Variants in ARID3A observed in about 807,000 individuals in gnomAD.
ARID3A encodes the protein AT-rich interactive domain-containing protein 3A.
A neutral mutation model predicts 52.7 loss-of-function variants in ARID3A; 11 were observed. The ratio of observed to expected loss-of-function variants is 0.21; its 90% CI spans 0.13 to 0.35. ARID3A has a LOEUF of 0.35. ARID3A is among the 10% of genes least tolerant of loss of function. The pLI is 1.00. For missense variants in ARID3A, 721 were observed against 838.5 expected (o/e 0.86, Z 1.73); for synonymous variants, 404 against 359.4 (o/e 1.12, Z -1.40).
intron 1 of ARID3A, among the ~76,000 whole-genome samples, chr19:927,459 C>T (rs1039562521): frequency 6.6e-6 from 1 of 151,986 alleles, no homozygotes; most frequent in African/African-American, 2.4e-5. Context: ...TCCTGCTCCC[C>T]TCCCCCACCC....
chr19:946,217 A>AT (rs944078619), intron 3 of ARID3A, among the ~76,000 whole-genome samples: 6 of 151,262 alleles, frequency 4.0e-5, no homozygotes, highest in African/African-American at 1.2e-4. Flanking sequence ...TTTCATTTTT[A>AT]TTTTTTTGTT....
At position 933,741 on chromosome 19, in the gene ARID3A, C is replaced by G. The variant is rs186859855; in HGVS notation, c.693+999C>G. 2.5e-3 allele frequency among the ~76,000 whole-genome samples: 374 copies of G among 152,130 alleles called. 2 individuals are homozygous for G. Among genetic ancestry groups the G allele is most frequent in the African/African-American group, 8.6e-3 (356 of 41,508 alleles). On this transcript the variant is annotated intron_variant, in intron 3 of 8. Coordinates refer to ENST00000263620, the MANE Select transcript of ARID3A (RefSeq NM_005224.3). ...TAAGGGGCGGCCCTAACCCCAGCAG[C>G]CCTCAAGAGACTTAAGGTTGGGCTG...
At chr19:954,354 C>A (rs1334565544) in intron 3 of ARID3A, among the ~76,000 whole-genome samples, 2 of 152,194 alleles carry the variant, frequency 1.3e-5, no homozygotes, top group Non-Finnish European at 2.9e-5. Flanking sequence ...TCCACACCTT[C>A]CATCCCCCAC....
At chr19:948,749 G>A (rs1465547446) in intron 3 of ARID3A, among the ~76,000 whole-genome samples, 3 of 122,970 alleles carry the variant, frequency 2.4e-5, no homozygotes, top group Non-Finnish European at 4.8e-5. Flanking sequence ...TCACTCTGTC[G>A]CCCAGGCTGG....
Position 964,905 on chromosome 19 carries a change from C to G in ARID3A, c.1023C>G (p.Ala341=). ...GTAACCCCAATGAGCTCCAGGCAGCCATAGACAGCAACCGACGGGAGGGCC... is the reference window on the plus strand; with the variant it reads ...GTAACCCCAATGAGCTCCAGGCAGCGATAGACAGCAACCGACGGGAGGGCC... ...GLSNPNELQA[A]IDSNRREGRR... The change falls in exon 6 of 9, where the codon GCC becomes GCG. Residue 341 remains alanine, a synonymous_variant. Transcript: ENST00000263620. This position sits in a 1 kb window ranked among gnomAD's most constrained non-coding sequence, Gnocchi z 5.7. 2 of 1,613,982 alleles carry G rather than the reference C, an allele frequency of 1.2e-6. No individual in the cohort carries two copies. Among genetic ancestry groups the G allele is most frequent in the Non-Finnish European group, 1.7e-6 (2 of 1,180,020 alleles).
rs576049092 is a variant in ARID3A at position 971,964 on chromosome 19, G to A, written c.1681G>A (p.Ala561Thr). 23 of 1,600,130 alleles carry A rather than the reference G, an allele frequency of 1.4e-5. No homozygotes were observed. Among genetic ancestry groups the A allele is most frequent in the African/African-American group, 6.9e-5 (5 of 72,960 alleles). Residue 561 changes from alanine (A) to threonine (T), a missense_variant, in exon 9 of 9, where the codon GCA (alanine) becomes ACA (threonine). Around this residue, in one of 5 missense-constraint regions of ARID3A, gnomAD observed 297 missense variants for 343.2 expected, o/e 0.87. Coordinates refer to ENST00000263620, the MANE Select transcript of ARID3A (RefSeq NM_005224.3). ...CGGCGGCGGCGGCAGCAGCAGCAACGCAGGCGGCCGGGGAGGAAACACCGG... is the reference window on the plus strand; with the variant it reads ...CGGCGGCGGCGGCAGCAGCAGCAACACAGGCGGCCGGGGAGGAAACACCGG... ...GGGGGGSSSN[A>T]GGRGGNTGTS...
Position 951,542 on chromosome 19 carries a change from C to A in ARID3A, c.694-8550C>A, listed in dbSNP as rs939661040. ...CTCCAGCCTGGGCGACAGAGTAAGA[C>A]CCTGTCTCAAAAAAAGGAAAAAAAA... On this transcript the variant is annotated intron_variant, in intron 3 of 8. Transcript: ENST00000263620. Among the ~76,000 whole-genome samples the A allele has an allele frequency of 4.6e-5, 7 of 152,086 alleles. No homozygotes were observed. In the South Asian group the frequency reaches 1.5e-3, roughly 32 times the overall value.
chr19:973,486 A>G lies in ARID3A; in HGVS notation c.*1421A>G. 9.3e-6 allele frequency: 2 copies of G among 216,050 alleles called. No individual in the cohort carries two copies. The highest frequency in any genetic ancestry group is 1.9e-5 in the Non-Finnish European group (2 of 107,204). The allele number at this position is 216,050 out of a possible 1,614,324, so 13.4% of individuals were successfully genotyped here. A position where few individuals can be genotyped will look rare whatever the true frequency, so the allele number is the denominator to read the frequency against. ...TGGGGGGCGGGGGTGGTTCTTGTCG[A>G]AGCCCCCAGGCTCCTGTCTCAGGGA... is the stretch of plus-strand genomic sequence containing the variant. On this transcript the variant is annotated 3_prime_UTR_variant, in exon 9 of 9. Transcript: ENST00000263620.
Position 959,546 on chromosome 19 carries a change from C to G in ARID3A, c.694-546C>G, listed in dbSNP as rs895503285. 6.6e-6 allele frequency among the ~76,000 whole-genome samples: 1 copy of G among 152,150 alleles called. No individual in the cohort carries two copies. Among genetic ancestry groups the G allele is most frequent in the South Asian group, 2.1e-4 (1 of 4,830 alleles). Reference sequence around the variant, plus strand: ...CCCGCCTCCCAAGGTGCTGGGATTACAGGTGTGAGCCGCCACCCTGAAGAG... The same window carrying G: ...CCCGCCTCCCAAGGTGCTGGGATTAGAGGTGTGAGCCGCCACCCTGAAGAG... On this transcript the variant is annotated intron_variant, in intron 3 of 8. Coordinates refer to ENST00000263620, the MANE Select transcript of ARID3A (RefSeq NM_005224.3). This position sits in a 1 kb window ranked among gnomAD's most constrained non-coding sequence, Gnocchi z 5.0.
rs2037632973 is a variant in ARID3A, at chr19:944,437, G to T, written c.693+11695G>T. Among the ~76,000 whole-genome samples, 1 of 152,120 alleles carries T rather than the reference G, an allele frequency of 6.6e-6. No homozygotes were observed. The highest frequency in any genetic ancestry group is 2.1e-4 in the South Asian group (1 of 4,830). ...GGGCGGTCCCACACGGCCATGGTTTGTGTCTGCCACGGCCTCAGCCCCGTT... is the reference window on the plus strand; with the variant it reads ...GGGCGGTCCCACACGGCCATGGTTTTTGTCTGCCACGGCCTCAGCCCCGTT... On this transcript the variant is annotated intron_variant, in intron 3 of 8. Transcript: ENST00000263620. This position sits in a 1 kb window ranked among gnomAD's most constrained non-coding sequence, Gnocchi z 5.9.
chr19:932,083 T>C (rs1419752653), intron 2 of ARID3A, among the ~76,000 whole-genome samples: 2 of 151,718 alleles, frequency 1.3e-5, no homozygotes, highest in Non-Finnish European at 2.9e-5. Flanking sequence ...ACAGCCTCCA[T>C]CTCCTGGGCT....
At chr19:940,021 TC>T (rs1225511403) in intron 3 of ARID3A, among the ~76,000 whole-genome samples, 1 of 151,970 alleles carries the variant, frequency 6.6e-6, no homozygotes. Context: ...CTGCTGGGCT[TC>T]CCCACATCCC....
Position 964,853 on chromosome 19 carries a change from C to T in ARID3A, c.971C>T (p.Pro324Leu), listed in dbSNP as rs1323062149. The change falls in exon 6 of 9, where the codon CCC becomes CTC. Residue 324 changes from proline (P) to leucine (L), a missense_variant. Pro to Leu is a moderately conservative substitution (Grantham distance 98). This residue lies in a region of ARID3A where 43 missense variants were observed against 143.7 expected (regional missense o/e 0.30). Coordinates refer to ENST00000263620, the MANE Select transcript of ARID3A (RefSeq NM_005224.3). This position sits in a 1 kb window ranked among gnomAD's most constrained non-coding sequence, Gnocchi z 5.7. ...CACAGATACATGAAGTACCTGTACCCCTACGAGTGTGAGAAGCGGGGCCTC... is the reference window on the plus strand; with the variant it reads ...CACAGATACATGAAGTACCTGTACCTCTACGAGTGTGAGAAGCGGGGCCTC... ...LRTQYMKYLY[P>L]YECEKRGLSN... is the part of the protein sequence containing the mutation. 6.2e-7 allele frequency: 1 copy of T among 1,613,958 alleles called. No individual in the cohort carries two copies. The highest frequency in any genetic ancestry group is 8.5e-7 in the Non-Finnish European group (1 of 1,179,958).
At chr19:963,033 C>T (rs1373565139) in intron 4 of ARID3A, among the ~76,000 whole-genome samples, 1 of 152,196 alleles carries the variant, frequency 6.6e-6, no homozygotes, top group African/African-American at 2.4e-5. Flanking sequence ...GTTTTGCAAC[C>T]TGGGAAGGGC....
rs1361757819 is a variant in ARID3A, at chr19:942,406, G to C, written c.693+9664G>C. Reference sequence around the variant, plus strand: ...CAAGGTCCTCTCCACTGGCCGCCGGGAGCCGGGCCGGGAGCCGCTGCGGTG... The same window carrying C: ...CAAGGTCCTCTCCACTGGCCGCCGGCAGCCGGGCCGGGAGCCGCTGCGGTG... On this transcript the variant is annotated intron_variant, in intron 3 of 8. Transcript: ENST00000263620. The surrounding 1 kb of genome is among the most constrained non-coding windows in gnomAD (Gnocchi z 8.1). Among the ~76,000 whole-genome samples the C allele has an allele frequency of 6.6e-6, 1 of 152,174 alleles. No homozygotes were observed. The highest frequency in any genetic ancestry group is 2.4e-5 in the African/African-American group (1 of 41,442).
chr19:935,452 AG>A (rs1165902079), intron 3 of ARID3A, among the ~76,000 whole-genome samples: 1 of 152,150 alleles, frequency 6.6e-6, no homozygotes, highest in East Asian at 1.9e-4. Flanking sequence ...CCCAGCTTCT[AG>A]AAAGCGGCCA....
intron 3 of ARID3A, among the ~76,000 whole-genome samples, chr19:936,790 G>A (rs993265138): frequency 2.6e-5 from 4 of 152,070 alleles, no homozygotes; most frequent in Admixed American, 2.0e-4. Context: ...ACAGTGAGCC[G>A]AGATCATGCC....
rs755443550 is a variant in ARID3A at position 971,969 on chromosome 19, C to T, written c.1686C>T (p.Gly562=). The part of the protein sequence containing the change: ...GGGGGSSSNA[G]GRGGNTGTSG... ...GCGGCGGCAGCAGCAGCAACGCAGG[C>T]GGCCGGGGAGGAAACACCGGAACCA... The change falls in exon 9 of 9, where the codon GGC becomes GGT. Residue 562 remains glycine, a synonymous_variant. Coordinates refer to ENST00000263620, the MANE Select transcript of ARID3A (RefSeq NM_005224.3). 10 of 1,601,476 alleles carry T rather than the reference C, an allele frequency of 6.2e-6. 1 individual carries two copies. The highest frequency in any genetic ancestry group is 2.7e-5 in the African/African-American group (2 of 73,624).
Position 974,066 on chromosome 19 carries a change from G to C in ARID3A, c.*2001G>C, listed in dbSNP as rs534569887. On this transcript the variant is annotated 3_prime_UTR_variant, in exon 9 of 9. Coordinates refer to ENST00000263620, the MANE Select transcript of ARID3A (RefSeq NM_005224.3). The stretch of plus-strand genomic sequence containing the variant: ...GGAGCCCTGTTAGGCCACCGGCATG[G>C]GGGCTTGGTGAGGAAGGGGACTCCC... 6 of 227,174 alleles carry C rather than the reference G, an allele frequency of 2.6e-5. No individual in the cohort carries two copies. In the Admixed American group the frequency reaches 3.4e-4, roughly 13 times the overall value. The allele number at this position is 227,174 out of a possible 1,614,324, so 14.1% of individuals were successfully genotyped here.
Sources: allele counts gnomAD v4.1 joint callset (sites outside exome capture counted in the v4.1 genomes callset), GRCh38; gene constraint gnomAD v4.1.1; regional missense constraint gnomAD v4.1.1; non-coding constraint Gnocchi (gnomAD v3.1); transcripts MANE v1.5; gene names NCBI Gene and HGNC (gene_info 2026-07-23, HGNC 2026-07-21).